ULBP1: variants seen among roughly 807,000 people sequenced by gnomAD.
ULBP1 encodes the protein UL16-binding protein 1.
A neutral mutation model predicts 25.3 loss-of-function variants in ULBP1; 28 were observed. The observed-to-expected ratio is 1.10, with a 90% CI of 0.82 to 1.51. ULBP1 has a LOEUF of 1.51. Ranked by LOEUF, ULBP1 falls within the 40% of genes most tolerant of loss-of-function variation. The pLI, the probability that ULBP1 is intolerant of heterozygous loss-of-function variation, is 0.00. For synonymous variants in ULBP1, 129 were observed against 103.0 expected (o/e 1.25, Z -1.53); for missense variants, 348 against 290.9 (o/e 1.20, Z -1.43).
Position 149,963,960 on chromosome 6 carries a change from G to T in ULBP1, c.-90G>T, listed in dbSNP as rs1274423162. On this transcript the variant is annotated 5_prime_UTR_variant, in exon 1 of 5. Coordinates refer to ENST00000229708, the MANE Select transcript of ULBP1 (RefSeq NM_025218.4). ...CGCCCAGTGTATCCCTGCGCGCGGCGGGCCGGGCTGGGCAGCTTTATAAAC... is the reference window on the plus strand; with the variant it reads ...CGCCCAGTGTATCCCTGCGCGCGGCTGGCCGGGCTGGGCAGCTTTATAAAC... The T allele has an allele frequency of 8.2e-6, 11 of 1,343,922 alleles. No individual in the cohort carries two copies. The highest frequency in any genetic ancestry group is 2.4e-5 in the East Asian group (1 of 41,982). The allele number at this position is 1,343,922 out of a possible 1,614,324, so 83.2% of individuals were successfully genotyped here. A position where few individuals can be genotyped will look rare whatever the true frequency, so the allele number is the denominator to read the frequency against.
chr6:149,970,071 C>T lies in ULBP1; in HGVS notation c.681C>T (p.Leu227=), dbSNP rs142296467. ...AACCCAAGGCCATGGCCACCACCCT[C>T]AGTCCCTGGAGCCTTCTCATCATCT... ...TTQPKAMATT[L]SPWSLLIIFL... is the part of the protein sequence containing the mutation. Residue 227 remains leucine, a synonymous_variant, in exon 4 of 5, where the codon CTC becomes CTT. Transcript: ENST00000229708. 3 of 1,613,526 alleles carry T rather than the reference C, an allele frequency of 1.9e-6. No homozygotes were observed. Among genetic ancestry groups the T allele is most frequent in the East Asian group, 4.5e-5 (2 of 44,884 alleles).
At chr6:149,969,535 TC>T (rs1562495185) in intron 3 of ULBP1, among the ~76,000 whole-genome samples, 175 bp downstream of exon 3, 1 of 151,958 alleles carries the variant, frequency 6.6e-6, no homozygotes, top group African/African-American at 2.4e-5. Flanking sequence ...TCTCCCTTCT[TC>T]CCCCTGACTC....
rs1416092881 is a variant in ULBP1, at chr6:149,963,997, GA to G, written c.-52del. On this transcript the variant is annotated 5_prime_UTR_variant, in exon 1 of 5. Coordinates refer to ENST00000229708, the MANE Select transcript of ULBP1 (RefSeq NM_025218.4). Reference sequence around the variant, plus strand: ...GCAGCTTTATAAACAGCCGTGGTGTGAGCCTCGAAGGGAACCATCAGCGCCT... The same window carrying G: ...GCAGCTTTATAAACAGCCGTGGTGTGGCCTCGAAGGGAACCATCAGCGCCT... The G allele has an allele frequency of 6.3e-7, 1 of 1,587,452 alleles. No homozygotes were observed. Among genetic ancestry groups the G allele is most frequent in the Non-Finnish European group, 8.6e-7 (1 of 1,158,268 alleles).
chr6:149,968,537 T>G, intron 1 of ULBP1, 70 bp from the exon 2 acceptor site: 2 of 1,545,324 alleles, frequency 1.3e-6, no homozygotes, highest in Non-Finnish European at 1.7e-6. Flanking sequence ...GCAGTCACCA[T>G]AAGTGGGAGG....
chr6:149,971,237 T>A lies in ULBP1; in HGVS notation c.*23-132T>A, dbSNP rs192530711. On this transcript the variant is annotated intron_variant, in intron 4 of 4. Transcript: ENST00000229708. ...GAACAGGGTACAGAGCCAGGGGTAG[T>A]GTTGGAGGGAAAAGCATGTTTCTTA... 1.0e-3 allele frequency: 555 copies of A among 546,466 alleles called. 3 individuals are homozygous for A. The African/African-American group carries it at 0.011, about 11-fold the overall frequency. The allele number at this position is 546,466 out of a possible 1,614,324, so 33.9% of individuals were successfully genotyped here.
rs1343424773 is a variant in ULBP1, at chr6:149,973,629, A to G, written c.*2283A>G. The G allele has an allele frequency of 6.6e-6, 1 of 152,228 alleles. No homozygotes were observed. The highest frequency in any genetic ancestry group is 1.5e-5 in the Non-Finnish European group (1 of 68,040). The allele number at this position is 152,228 out of a possible 1,614,324, so 9.4% of individuals were successfully genotyped here. On this transcript the variant is annotated 3_prime_UTR_variant, in exon 5 of 5. Transcript: ENST00000229708. Reference sequence around the variant, plus strand: ...TCATAAGTTGTATGATGATAATTGTATAAAAATTTGTATGATGATAATTGT... The same window carrying G: ...TCATAAGTTGTATGATGATAATTGTGTAAAAATTTGTATGATGATAATTGT...
chr6:149,968,802 TAAGAGACGTGGTGGATTTCCTTAAAGGGC>T lies in ULBP1; in HGVS notation c.284_312del (p.Arg95ThrfsTer3). On this transcript the variant is annotated frameshift_variant, in exon 2 of 5. Transcript: ENST00000229708. LOFTEE classifies it high-confidence loss of function. ...ACCTGGGAAGAACAAACTGAAACAC[TAAGAGACGTGGTGGATTTCCTTAAAGGGC>T]AACTGCTTGACATTCAAGTGGAGAA... The T allele has an allele frequency of 6.2e-7, 1 of 1,614,220 alleles. No homozygotes were observed. The highest frequency in any genetic ancestry group is 8.5e-7 in the Non-Finnish European group (1 of 1,180,046).
Position 149,964,135 on chromosome 6 carries a change from G to A in ULBP1, c.85+1G>A. ...GGCTGGTCCCGGGCAGGATGGGTCG[G>A]TGAGTTCGGGGATGTAGCCTAAGCA... On this transcript the variant is annotated splice_donor_variant, in intron 1 of 4. Transcript: ENST00000229708. LOFTEE classifies it high-confidence loss of function. 2 of 1,614,188 alleles carry A rather than the reference G, an allele frequency of 1.2e-6. No homozygotes were observed. The highest frequency in any genetic ancestry group is 1.1e-5 in the South Asian group (1 of 91,084).
At chr6:149,965,159 AGAACATCGCGGCCTCCCC>A (rs1440722028) in intron 1 of ULBP1, among the ~76,000 whole-genome samples, 9,223 of 93,120 alleles carry the variant, frequency 0.099, 1,113 homozygotes, top group African/African-American at 0.21. Context: ...GCGATCCCCC[AGAACATCGCGGCCTCCCC>A]GAACATCGCG....
At chr6:149,971,238 G>T in intron 4 of ULBP1, 131 bp from the exon 5 acceptor site, 2 of 606,600 alleles carry the variant, frequency 3.3e-6, no homozygotes, top group Non-Finnish European at 4.1e-6. Context: ...CAGGGGTAGT[G>T]TTGGAGGGAA....
chr6:149,969,487 C>A (rs1582827188), intron 3 of ULBP1, 127 bp downstream of exon 3: 1 of 1,294,292 alleles, frequency 7.7e-7, no homozygotes, highest in East Asian at 2.4e-5. Flanking sequence ...GGGGGCTCCT[C>A]CTGGGGGTCC....
intron 1 of ULBP1, among the ~76,000 whole-genome samples, chr6:149,964,938 G>T (rs1171458478): frequency 2.0e-5 from 2 of 101,638 alleles, no homozygotes; most frequent in African/African-American, 7.8e-5. Flanking sequence ...GAAACATTGC[G>T]ATCTCCCCGA....
Position 149,968,643 on chromosome 6 carries a change from C to G in ULBP1, c.122C>G (p.Pro41Arg), listed in dbSNP as rs1472640668. Residue 41 changes from proline (P) to arginine (R), a missense_variant, in exon 2 of 5, where the codon CCT becomes CGT. By Grantham distance (103) the Pro-to-Arg change is moderately radical (BLOSUM62 -2). Transcript: ENST00000229708. ...CTTTGCTATGACTTCATCATCACTC[C>G]TAAGTCCAGACCTGAACCACAGTGG... ...HCLCYDFIIT[P>R]KSRPEPQWCE... 6.2e-7 allele frequency: 1 copy of G among 1,612,828 alleles called. No individual in the cohort carries two copies. Among genetic ancestry groups the G allele is most frequent in the Non-Finnish European group, 8.5e-7 (1 of 1,179,078 alleles).
chr6:149,965,673 C>A (rs1361138989), intron 1 of ULBP1, among the ~76,000 whole-genome samples: 1 of 152,170 alleles, frequency 6.6e-6, no homozygotes, highest in East Asian at 1.9e-4. Flanking sequence ...AAGCTTCCAG[C>A]AGCCCCAGGG....
rs1779249781 is a variant in ULBP1 at position 149,968,708 on chromosome 6, C to T, written c.187C>T (p.His63Tyr). 1.9e-6 allele frequency: 3 copies of T among 1,614,138 alleles called. No individual in the cohort carries two copies. Among genetic ancestry groups the T allele is most frequent in the South Asian group, 2.2e-5 (2 of 91,092 alleles). ...QGLVDERPFL[H>Y]YDCVNHKAKA... is the part of the protein sequence containing the mutation. ...CCTGGTGGATGAAAGGCCTTTTCTT[C>T]ACTATGACTGTGTTAACCACAAGGC... Residue 63 changes from histidine to tyrosine, a missense_variant, in exon 2 of 5, where the codon CAC (histidine) becomes TAC (tyrosine). Transcript: ENST00000229708.
Position 149,971,497 on chromosome 6 carries a change from G to A in ULBP1, c.*151G>A, listed in dbSNP as rs572144526. 4 of 669,584 alleles carry A rather than the reference G, an allele frequency of 6.0e-6. No individual in the cohort carries two copies. Among genetic ancestry groups the A allele is most frequent in the South Asian group, 1.4e-4 (2 of 14,634 alleles). The allele number at this position is 669,584 out of a possible 1,614,324, so 41.5% of individuals were successfully genotyped here. A position where few individuals can be genotyped will look rare whatever the true frequency, so the allele number is the denominator to read the frequency against. ...GAGTTCAAGCCTTAGCAAGCCCAGA[G>A]GCCCCCAGCAGACGATGAGGACATT... On this transcript the variant is annotated 3_prime_UTR_variant, in exon 5 of 5. Transcript: ENST00000229708.
rs756168732 is a variant in ULBP1, at chr6:149,969,236, G to A, written c.501G>A (p.Lys167=). 5 of 1,614,140 alleles carry A rather than the reference G, an allele frequency of 3.1e-6. No individual in the cohort carries two copies. Among genetic ancestry groups the A allele is most frequent in the African/African-American group, 2.7e-5 (2 of 74,942 alleles). ...KWTALHPGAK[K]MTEKWEKNRD... ...CAGCACTTCATCCTGGAGCCAAGAA[G>A]ATGACAGAGAAGTGGGAGAAGAACA... Residue 167 remains lysine (K), a synonymous_variant, in exon 3 of 5, where the codon AAG becomes AAA. Transcript: ENST00000229708.
At position 149,970,138 on chromosome 6, in the gene ULBP1, A is replaced by G; in HGVS notation, c.*13A>G. Reference sequence around the variant, plus strand: ...AGCTGGCAGATGAGGAGAGTTGTTTAGAGTGACAGGTACTGTGGGCAATAT... The same window carrying G: ...AGCTGGCAGATGAGGAGAGTTGTTTGGAGTGACAGGTACTGTGGGCAATAT... On this transcript the variant is annotated 3_prime_UTR_variant, in exon 4 of 5. Transcript: ENST00000229708. The G allele has an allele frequency of 1.3e-6, 2 of 1,593,576 alleles. No individual in the cohort carries two copies. Among genetic ancestry groups the G allele is most frequent in the Non-Finnish European group, 1.7e-6 (2 of 1,169,570 alleles).
Position 149,968,476 on chromosome 6 carries a change from G to T in ULBP1, c.86-131G>T, listed in dbSNP as rs994100037. The T allele has an allele frequency of 2.4e-6, 3 of 1,241,440 alleles. No homozygotes were observed. In the East Asian group the frequency reaches 7.1e-5, roughly 29 times the overall value. The allele number at this position is 1,241,440 out of a possible 1,614,324, so 76.9% of individuals were successfully genotyped here. A position where few individuals can be genotyped will look rare whatever the true frequency, so the allele number is the denominator to read the frequency against. Reference sequence around the variant, plus strand: ...ATTAACTAGTTTTCATGACAGTCCTGGCTGGGGCATGTCTTGGTCTGCCAG... The same window carrying T: ...ATTAACTAGTTTTCATGACAGTCCTTGCTGGGGCATGTCTTGGTCTGCCAG... On this transcript the variant is annotated intron_variant, in intron 1 of 4. Transcript: ENST00000229708.
Sources: allele counts gnomAD v4.1 joint callset (sites outside exome capture counted in the v4.1 genomes callset), GRCh38; gene constraint gnomAD v4.1.1; transcripts MANE v1.5; gene names NCBI Gene and HGNC (gene_info 2026-07-23, HGNC 2026-07-21).